The following KIAA1328 variants were observed in gnomAD, a reference collection of about 807,000 sequenced individuals.
The protein encoded by KIAA1328 is protein hinderin.
KIAA1328 carries 52 observed loss-of-function variants against 68.1 expected under a neutral mutation model. The observed-to-expected ratio is 0.76, with a 90% CI of 0.61 to 0.96. The LOEUF (loss-of-function observed/expected upper bound fraction) is 0.96, where lower values mean the gene tolerates loss of function less well. KIAA1328 is among the 40% of genes least tolerant of loss of function. The pLI is 0.00. For synonymous variants in KIAA1328, 232 were observed against 239.4 expected, an observed-to-expected ratio of 0.97 and a Z score of 0.28; for missense variants, 641 against 677.6, an observed-to-expected ratio of 0.95 and a Z score of 0.60.
chr18:37,205,903 G>A (rs982474348), intron 9 of KIAA1328, among the ~76,000 whole-genome samples: 1 of 152,138 alleles, frequency 6.6e-6, no homozygotes, highest in African/African-American at 2.4e-5. Flanking sequence ...TTTAATGGGG[G>A]TGGTTGAATA....
chr18:36,918,413 CTTTT>C (rs11321724), intron 5 of KIAA1328, among the ~76,000 whole-genome samples: 2 of 103,350 alleles, frequency 1.9e-5, no homozygotes, highest in Non-Finnish European at 4.3e-5. Context: ...GTTTTTAAGC[CTTTT>C]TTTTTTTTTT....
chr18:36,853,994 C>T (rs1218179937), intron 4 of KIAA1328, among the ~76,000 whole-genome samples: 3 of 152,120 alleles, frequency 2.0e-5, no homozygotes, highest in Non-Finnish European at 4.4e-5. Context: ...TGTGTCCTCC[C>T]TAAATTCATA....
chr18:36,880,586 C>T (rs1251117423), intron 4 of KIAA1328, among the ~76,000 whole-genome samples: 8 of 152,064 alleles, frequency 5.3e-5, no homozygotes, highest in Non-Finnish European at 8.8e-5. Flanking sequence ...CTGGCTATGA[C>T]GTCCAGTCAA....
At chr18:36,853,977 G>A (rs2047301878) in intron 4 of KIAA1328, among the ~76,000 whole-genome samples, 1 of 152,118 alleles carries the variant, frequency 6.6e-6, no homozygotes, top group Admixed American at 6.5e-5. Flanking sequence ...CTTTTTATGG[G>A]CTGAATTGTG....
At chr18:37,193,452 C>A in intron 9 of KIAA1328, 1 of 617,150 alleles carries the variant, frequency 1.6e-6, no homozygotes, top group Non-Finnish European at 2.9e-6. Flanking sequence ...AGAGTTAGGT[C>A]AAATGTTGCT....
At chr18:37,156,394 C>G (rs2059152456) in intron 7 of KIAA1328, among the ~76,000 whole-genome samples, 1 of 140,662 alleles carries the variant, frequency 7.1e-6, no homozygotes, top group Non-Finnish European at 1.5e-5. Context: ...CCATTGCACT[C>G]CAGCCTAGGT....
intron 3 of KIAA1328, among the ~76,000 whole-genome samples, chr18:36,843,477 G>C (rs2046926245): frequency 1.3e-5 from 2 of 152,080 alleles, no homozygotes; most frequent in Non-Finnish European, 1.5e-5. Flanking sequence ...TGTCTTTAAG[G>C]ACCCCTCCTA....
intron 6 of KIAA1328, among the ~76,000 whole-genome samples, chr18:37,064,357 T>A (rs772755839): frequency 1.3e-5 from 2 of 152,190 alleles, no homozygotes; most frequent in Non-Finnish European, 2.9e-5. Flanking sequence ...TAGTTGATAC[T>A]TTTTACCCAT....
At chr18:36,987,490 AAAAAT>A (rs912401041) in intron 6 of KIAA1328, among the ~76,000 whole-genome samples, 18 of 72,426 alleles carry the variant, frequency 2.5e-4, no homozygotes, top group African/African-American at 5.6e-4. Context: ...TATAATAAAA[AAAAAT>A]AAATAAATAA....
At chr18:37,130,777 G>T (rs1166657589) in intron 7 of KIAA1328, among the ~76,000 whole-genome samples, 1 of 152,122 alleles carries the variant, frequency 6.6e-6, no homozygotes, top group Non-Finnish European at 1.5e-5. Flanking sequence ...GAAAAAAAGA[G>T]TATGTGTCTT....
At chr18:37,081,327 A>C (rs1365665892) in intron 7 of KIAA1328, among the ~76,000 whole-genome samples, 2 of 152,126 alleles carry the variant, frequency 1.3e-5, no homozygotes, top group Non-Finnish European at 2.9e-5. Flanking sequence ...TATCCTGCCT[A>C]CTGCCACCAT....
chr18:37,030,197 CTTCA>C (rs1226294278), intron 6 of KIAA1328, among the ~76,000 whole-genome samples: 1 of 149,124 alleles, frequency 6.7e-6, no homozygotes, highest in Admixed American at 6.7e-5. Context: ...TTTATTTTTC[CTTCA>C]TTCATATTTT....
chr18:37,190,708 A>G (rs566212269), intron 9 of KIAA1328, among the ~76,000 whole-genome samples: 14 of 152,274 alleles, frequency 9.2e-5, no homozygotes, highest in Non-Finnish European at 1.5e-4. Context: ...CCATTTATTC[A>G]TTCTTTATCT....
intron 7 of KIAA1328, among the ~76,000 whole-genome samples, chr18:37,110,024 G>A (rs1344923483): frequency 6.6e-6 from 1 of 151,190 alleles, no homozygotes; most frequent in Admixed American, 6.6e-5. Context: ...ACAGAGAAAA[G>A]CAGTGGACTT....
In KIAA1328 at chr18:36,829,151, G is replaced by C. The variant is rs1305995899; in HGVS notation, c.13G>C (p.Ala5Pro). 2 of 1,534,360 alleles carry C rather than the reference G, an allele frequency of 1.3e-6. No homozygotes were observed. The highest frequency in any genetic ancestry group is 2.4e-5 in the South Asian group (2 of 82,594). Reference protein sequence around the residue: MADVAGPSRPSAAAF... With the variant: MADVPGPSRPSAAAF... ...CGGTTGTTTCAAGATGGCGGACGTG[G>C]CGGGCCCCTCCCGCCCCAGTGCCGC... The change falls in exon 1 of 10, where the codon GCG becomes CCG. Residue 5 changes from alanine (A) to proline (P), a missense_variant. Coordinates refer to ENST00000280020, the MANE Select transcript of KIAA1328 (RefSeq NM_020776.3).
chr18:36,869,163 C>T (rs2047859157), intron 4 of KIAA1328, among the ~76,000 whole-genome samples: 1 of 151,478 alleles, frequency 6.6e-6, no homozygotes, highest in African/African-American at 2.4e-5. Flanking sequence ...GAAAAGGAAC[C>T]TTGAATTTGT....
At chr18:36,893,967 T>A (rs2048786201) in intron 5 of KIAA1328, among the ~76,000 whole-genome samples, 1 of 152,170 alleles carries the variant, frequency 6.6e-6, no homozygotes, top group African/African-American at 2.4e-5. Context: ...CTTGCATTTT[T>A]ATATTGCTTT....
chr18:36,951,833 C>T (rs1010459168), intron 5 of KIAA1328, among the ~76,000 whole-genome samples: 15 of 152,188 alleles, frequency 9.9e-5, no homozygotes, highest in South Asian at 2.1e-4. Flanking sequence ...ATTATTACTC[C>T]GGCTCATGCC....
intron 5 of KIAA1328, chr18:36,921,110 CTGT>C (rs1240261465): frequency 5.3e-5 from 8 of 152,152 alleles, no homozygotes; most frequent in African/African-American, 1.9e-4. Flanking sequence ...ACATCTGGAA[CTGT>C]TGTTTCATAC....
Sources: allele counts gnomAD v4.1 joint callset (sites outside exome capture counted in the v4.1 genomes callset), GRCh38; gene constraint gnomAD v4.1.1; transcripts MANE v1.5; gene names NCBI Gene and HGNC (gene_info 2026-07-23, HGNC 2026-07-21).